The following ADAMTS3 variants were observed in gnomAD, a reference collection of about 807,000 sequenced individuals.
The protein encoded by ADAMTS3 is A disintegrin and metalloproteinase with thrombospondin motifs 3.
In ADAMTS3, 73 loss-of-function variants were observed where a neutral mutation model predicts 129.0. The observed-to-expected ratio is 0.57, with a 90% CI of 0.47 to 0.69. ADAMTS3 has a LOEUF of 0.69. Ranked by LOEUF, ADAMTS3 falls within the 30% of genes least tolerant of loss-of-function variation. The pLI is 0.00. For synonymous variants in ADAMTS3, 477 were observed against 510.8 expected, an observed-to-expected ratio of 0.93 and a Z score of 0.89; for missense variants, 1,457 against 1,514.5, an observed-to-expected ratio of 0.96 and a Z score of 0.63.
At chr4:72,318,005 G>T (rs1450828853) in intron 10 of ADAMTS3, among the ~76,000 whole-genome samples, 3 of 151,838 alleles carry the variant, frequency 2.0e-5, no homozygotes, top group African/African-American at 7.3e-5. Context: ...CTCCAGCCTG[G>T]GCGACAGAGT....
intron 19 of ADAMTS3, among the ~76,000 whole-genome samples, chr4:72,292,737 T>A (rs1718707511): frequency 6.6e-6 from 1 of 152,150 alleles, no homozygotes; most frequent in Admixed American, 6.6e-5. Flanking sequence ...AAAGTTACTT[T>A]CCCTCTGCAA....
In ADAMTS3 at chr4:72,298,336, A is replaced by G; in HGVS notation, c.2531T>C (p.Leu844Ser). Reference protein sequence around the residue: ...INSNNVIQEELDTFEWALKSW... With the variant: ...INSNNVIQEESDTFEWALKSW... ...CTTCAAAGCCCACTCAAAAGTATCT[A>G]ATTCTTCCTGGATGACATTGTTGCT... The change falls in exon 18 of 22, where the codon TTA becomes TCA. Residue 844 changes from leucine to serine, a missense_variant. By Grantham distance (145) the Leu-to-Ser change is moderately radical. Transcript: ENST00000286657. The G allele has an allele frequency of 6.2e-7, 1 of 1,613,256 alleles. No individual in the cohort carries two copies. Among genetic ancestry groups the G allele is most frequent in the Non-Finnish European group, 8.5e-7 (1 of 1,179,410 alleles).
chr4:72,292,220 T>C (rs1553903882), intron 19 of ADAMTS3, among the ~76,000 whole-genome samples: 1 of 152,234 alleles, frequency 6.6e-6, no homozygotes, highest in Non-Finnish European at 1.5e-5. Context: ...TTATACATAG[T>C]TAAAAATCTG....
chr4:72,530,803 T>G (rs1197449720), intron 3 of ADAMTS3, among the ~76,000 whole-genome samples: 3 of 52,740 alleles, frequency 5.7e-5, no homozygotes, highest in Admixed American at 2.8e-4. Context: ...ATATTATATA[T>G]ATTATATATT....
chr4:72,507,918 T>C (rs2110030737), intron 3 of ADAMTS3, among the ~76,000 whole-genome samples: 1 of 152,310 alleles, frequency 6.6e-6, no homozygotes, highest in Non-Finnish European at 1.5e-5. Flanking sequence ...TTATTGCCTG[T>C]TTACTGCTTT....
At chr4:72,533,673 A>ATATGTATATATACACATATATG (rs1164175826) in intron 3 of ADAMTS3, among the ~76,000 whole-genome samples, 1 of 151,370 alleles carries the variant, frequency 6.6e-6, no homozygotes, top group Non-Finnish European at 1.5e-5. Flanking sequence ...GTATATGCAC[A>ATATGTATATATACACATATATG]TATATGCACA....
Position 72,288,921 on chromosome 4 carries a change from CAT to C in ADAMTS3, c.2932-55_2932-54del, listed in dbSNP as rs200696790. 2,065 of 735,062 alleles carry C rather than the reference CAT, an allele frequency of 2.8e-3. 39 individuals are homozygous for C. In the African/African-American group the frequency reaches 0.043, roughly 15 times the overall value. 45.5% of individuals were successfully genotyped at this position (735,062 alleles called of 1,614,324 possible). ...ACATTTATTGCACCAAGACCATGCA[CAT>C]ACACACACACACACACACACACACA... On this transcript the variant is annotated intron_variant, in intron 20 of 21. Coordinates refer to ENST00000286657, the MANE Select transcript of ADAMTS3 (RefSeq NM_014243.3).
At chr4:72,552,224 C>G (rs1578790271) in intron 2 of ADAMTS3, among the ~76,000 whole-genome samples, 1 of 152,176 alleles carries the variant, frequency 6.6e-6, no homozygotes, top group Non-Finnish European at 1.5e-5. Context: ...CACTTGTGAT[C>G]TTCAGCAAGT....
At chr4:72,457,215 T>C (rs995449292) in intron 3 of ADAMTS3, among the ~76,000 whole-genome samples, 6 of 151,758 alleles carry the variant, frequency 4.0e-5, no homozygotes, top group African/African-American at 1.2e-4. Context: ...GTTTGCTTAT[T>C]GCCCATAGGC....
chr4:72,334,047 G>A (rs1026058966), intron 5 of ADAMTS3, among the ~76,000 whole-genome samples: 1 of 151,758 alleles, frequency 6.6e-6, no homozygotes, highest in Non-Finnish European at 1.5e-5. Flanking sequence ...TAGAGACGGG[G>A]TTTCACCGTG....
intron 3 of ADAMTS3, among the ~76,000 whole-genome samples, chr4:72,470,797 C>T (rs1019827615): frequency 2.6e-5 from 4 of 152,032 alleles, no homozygotes; most frequent in Non-Finnish European, 5.9e-5. Flanking sequence ...GTCCTACACA[C>T]TTATGGTAAT....
chr4:72,382,415 C>T (rs1320542805), intron 4 of ADAMTS3, among the ~76,000 whole-genome samples: 1 of 151,894 alleles, frequency 6.6e-6, no homozygotes, highest in African/African-American at 2.4e-5. Flanking sequence ...ATGCTGGAAA[C>T]CATGCAGAGA....
intron 11 of ADAMTS3, 93 bp downstream of exon 11, chr4:72,315,765 A>G (rs1719377761): frequency 2.7e-6 from 2 of 752,066 alleles, no homozygotes; most frequent in Non-Finnish European, 4.3e-6. Context: ...CATAAAAATG[A>G]CAGTGCAGCT....
In ADAMTS3 at chr4:72,496,743, G is replaced by C. The variant is rs528814258; in HGVS notation, c.504+51735C>G. On this transcript the variant is annotated intron_variant, in intron 3 of 21. Transcript: ENST00000286657. ...TTGAACGGCTGGGATATAAGAGAGT[G>C]GTAATCCAATGGCCTCCTCACTTTA... 3.9e-5 allele frequency among the ~76,000 whole-genome samples: 6 copies of C among 152,024 alleles called. No homozygotes were observed. The South Asian group carries it at 1.2e-3, about 32-fold the overall frequency.
chr4:72,434,995 C>A (rs902363946), intron 3 of ADAMTS3, among the ~76,000 whole-genome samples: 2 of 151,822 alleles, frequency 1.3e-5, no homozygotes, highest in African/African-American at 4.8e-5. Flanking sequence ...CCAACCTGAA[C>A]GAACTTGAAA....
At chr4:72,342,561 C>T (rs572580343) in intron 4 of ADAMTS3, among the ~76,000 whole-genome samples, 13 of 151,798 alleles carry the variant, frequency 8.6e-5, no homozygotes, top group East Asian at 1.9e-4. Context: ...TTAGTAGAGA[C>T]GGGGTTTCAC....
chr4:72,390,015 A>G (rs1021475304), intron 4 of ADAMTS3, among the ~76,000 whole-genome samples: 1 of 152,224 alleles, frequency 6.6e-6, no homozygotes, highest in African/African-American at 2.4e-5. Flanking sequence ...GGGCAGGAAA[A>G]GGAGAGGGGA....
At chr4:72,471,440 T>C (rs1719069695) in intron 3 of ADAMTS3, among the ~76,000 whole-genome samples, 2 of 152,094 alleles carry the variant, frequency 1.3e-5, no homozygotes, top group South Asian at 4.1e-4. Context: ...GGATTCCACA[T>C]TGCATCTAGT....
At chr4:72,423,884 A>G (rs1464713221) in intron 3 of ADAMTS3, among the ~76,000 whole-genome samples, 1 of 152,148 alleles carries the variant, frequency 6.6e-6, no homozygotes. Flanking sequence ...AAAGAATAAC[A>G]GTAGCTGGAA....
Sources: allele counts gnomAD v4.1 joint callset (sites outside exome capture counted in the v4.1 genomes callset), GRCh38; gene constraint gnomAD v4.1.1; transcripts MANE v1.5; gene names NCBI Gene and HGNC (gene_info 2026-07-23, HGNC 2026-07-21).